The following ROBO1 variants were observed in gnomAD, a reference collection of about 807,000 sequenced individuals.
ROBO1 encodes roundabout guidance receptor 1, also known as roundabout homolog 1.
ROBO1 carries 149 observed loss-of-function variants against 195.9 expected under a neutral mutation model. The ratio of observed to expected loss-of-function variants is 0.76; its 90% CI spans 0.67 to 0.87. ROBO1 has a LOEUF of 0.87. ROBO1 is among the 40% of genes least tolerant of loss of function. The probability of loss-of-function intolerance (pLI) is 0.00; values close to 1 mark genes in which losing one functional copy is unlikely to be tolerated. For synonymous variants in ROBO1, 816 were observed against 733.2 expected, an observed-to-expected ratio of 1.11 and a Z score of -1.82; for missense variants, 1,933 against 2,068.3, an observed-to-expected ratio of 0.93 and a Z score of 1.27.
intron 21 of ROBO1, among the ~76,000 whole-genome samples, chr3:78,641,371 C>T (rs1310064623): frequency 6.6e-6 from 1 of 152,068 alleles, no homozygotes; most frequent in African/African-American, 2.4e-5. Flanking sequence ...GTTCCTAAAG[C>T]TCTGGAATAT....
At chr3:79,043,706 T>C (rs2078532000) in intron 3 of ROBO1, among the ~76,000 whole-genome samples, 1 of 152,128 alleles carries the variant, frequency 6.6e-6, no homozygotes, top group African/African-American at 2.4e-5. Flanking sequence ...TCAAACTAAG[T>C]TGATAACACA....
chr3:78,789,931 T>C (rs1005882804), intron 4 of ROBO1, among the ~76,000 whole-genome samples: 3 of 152,190 alleles, frequency 2.0e-5, no homozygotes, highest in African/African-American at 7.2e-5. Context: ...ACCTCCCAAA[T>C]TGGACCAACA....
intron 2 of ROBO1, among the ~76,000 whole-genome samples, chr3:79,443,447 C>T (rs1483913031): frequency 6.6e-6 from 1 of 152,136 alleles, no homozygotes; most frequent in Non-Finnish European, 1.5e-5. Flanking sequence ...TTTAGAATTA[C>T]ATAAAAACCA....
At chr3:79,226,884 T>C (rs908709115) in intron 2 of ROBO1, among the ~76,000 whole-genome samples, 1 of 152,088 alleles carries the variant, frequency 6.6e-6, no homozygotes, top group African/African-American at 2.4e-5. Flanking sequence ...CTTTAACATT[T>C]GTCCTCCTCC....
At chr3:78,926,116 G>A (rs1372086686) in intron 4 of ROBO1, among the ~76,000 whole-genome samples, 2 of 151,962 alleles carry the variant, frequency 1.3e-5, no homozygotes, top group East Asian at 1.9e-4. Flanking sequence ...TGATCCACCC[G>A]CCTCAGCCTC....
intron 10 of ROBO1, among the ~76,000 whole-genome samples, chr3:78,672,044 G>A (rs1443725647): frequency 2.0e-5 from 3 of 151,998 alleles, no homozygotes; most frequent in African/African-American, 7.3e-5. Flanking sequence ...TATGTCTTTG[G>A]GCAAGTTCCT....
intron 14 of ROBO1, among the ~76,000 whole-genome samples, chr3:78,665,674 A>C (rs748647783): frequency 6.6e-6 from 1 of 152,150 alleles, no homozygotes; most frequent in Non-Finnish European, 1.5e-5. Flanking sequence ...TCTGAATCTT[A>C]TATACTTATA....
rs189447040 is a variant in ROBO1, at chr3:79,566,873, C to T, written c.88+22951G>A. Among the ~76,000 whole-genome samples the T allele has an allele frequency of 2.2e-4, 33 of 152,136 alleles. No individual in the cohort carries two copies. The South Asian group carries it at 3.1e-3, about 14-fold the overall frequency. ...TCAACCACTGTGGAAGACAGAGTGG[C>T]GATTCCTAAAGGACATAGAGACAGA... On this transcript the variant is annotated intron_variant, in intron 2 of 30. Transcript: ENST00000464233.
At chr3:79,506,010 A>G (rs1940371280) in intron 2 of ROBO1, among the ~76,000 whole-genome samples, 1 of 152,208 alleles carries the variant, frequency 6.6e-6, no homozygotes, top group Non-Finnish European at 1.5e-5. Context: ...AATACTAACT[A>G]TATTAAGAGG....
At chr3:79,483,822 G>C (rs77649865) in intron 2 of ROBO1, among the ~76,000 whole-genome samples, 3,792 of 152,128 alleles carry the variant, frequency 0.025, 176 homozygotes, top group African/African-American at 0.086. Context: ...GACGGGGTTG[G>C]GGGTGGGGGA....
intron 5 of ROBO1, among the ~76,000 whole-genome samples, chr3:78,721,629 A>G (rs1576019951): frequency 1.3e-5 from 2 of 152,338 alleles, no homozygotes; most frequent in Admixed American, 1.3e-4. Context: ...AATGTTTTTT[A>G]TCTACTATAA....
At chr3:78,772,934 C>G (rs1181572038) in intron 4 of ROBO1, among the ~76,000 whole-genome samples, 2 of 152,040 alleles carry the variant, frequency 1.3e-5, no homozygotes, top group Non-Finnish European at 2.9e-5. Context: ...ACAGTTTTAA[C>G]CACTGAGCTG....
intron 2 of ROBO1, among the ~76,000 whole-genome samples, chr3:79,265,751 T>C (rs2083028614): frequency 1.3e-5 from 2 of 151,588 alleles, no homozygotes; most frequent in Admixed American, 6.6e-5. Context: ...TAGATGTTAC[T>C]ATAAATGTTA....
chr3:79,236,884 T>A (rs2108867346), intron 2 of ROBO1, among the ~76,000 whole-genome samples: 1 of 152,276 alleles, frequency 6.6e-6, no homozygotes. Flanking sequence ...CAACTTTTGC[T>A]ACAGTAGGAG....
intron 3 of ROBO1, among the ~76,000 whole-genome samples, chr3:78,952,607 T>C (rs1032764004): frequency 6.6e-6 from 1 of 151,814 alleles, no homozygotes; most frequent in Non-Finnish European, 1.5e-5. Flanking sequence ...CTGTGCAGAG[T>C]AGATTTAAAT....
chr3:78,781,705 AGAGT>A (rs148663950), intron 4 of ROBO1, among the ~76,000 whole-genome samples: 37,569 of 151,896 alleles, frequency 0.25, 4,752 homozygotes, highest in Non-Finnish European at 0.27. Flanking sequence ...CATACTATCT[AGAGT>A]GAGTGAACAA....
At chr3:79,246,966 TGGC>T (rs2082635403) in intron 2 of ROBO1, among the ~76,000 whole-genome samples, 1 of 151,962 alleles carries the variant, frequency 6.6e-6, no homozygotes, top group South Asian at 2.1e-4. Flanking sequence ...ACTTTATGCC[TGGC>T]ATGAAGTAAG....
intron 4 of ROBO1, among the ~76,000 whole-genome samples, chr3:78,758,064 C>T (rs1371763429): frequency 2.0e-5 from 3 of 152,200 alleles, no homozygotes; most frequent in African/African-American, 7.2e-5. Context: ...GCTCAGCCAT[C>T]AGCTCTGGCA....
intron 2 of ROBO1, among the ~76,000 whole-genome samples, chr3:79,209,480 A>G (rs536077921): frequency 1.3e-5 from 2 of 151,870 alleles, no homozygotes; most frequent in East Asian, 3.9e-4. Context: ...TTATTTTTTT[A>G]TATTATATAA....
Sources: allele counts gnomAD v4.1 joint callset (sites outside exome capture counted in the v4.1 genomes callset), GRCh38; gene constraint gnomAD v4.1.1; transcripts MANE v1.5; gene names NCBI Gene and HGNC (gene_info 2026-07-23, HGNC 2026-07-21).